DNER: variants seen among roughly 807,000 people sequenced by gnomAD.
DNER encodes delta and Notch-like epidermal growth factor-related receptor.
In DNER, 33 loss-of-function variants were observed where a neutral mutation model predicts 78.2. The observed-to-expected ratio is 0.42, with a 90% CI of 0.32 to 0.56. DNER has a LOEUF of 0.56. DNER is among the 20% of genes least tolerant of loss of function. The pLI is 0.11. For synonymous variants in DNER, 417 were observed against 384.8 expected (o/e 1.08, Z -0.98); for missense variants, 918 against 975.3 (o/e 0.94, Z 0.78).
rs78341074 is a variant in DNER at position 229,633,714 on chromosome 2, G to A, written c.277-41826C>T. Reference sequence around the variant, plus strand: ...TCCAGCAGCAGCCCGTTCAGGGCCTGTTCCCAAGAGCTGGGACATAGTGGA... The same window carrying A: ...TCCAGCAGCAGCCCGTTCAGGGCCTATTCCCAAGAGCTGGGACATAGTGGA... On this transcript the variant is annotated intron_variant, in intron 1 of 12. Transcript: ENST00000341772. Among the ~76,000 whole-genome samples, 728 of 152,306 alleles carry A rather than the reference G, an allele frequency of 4.8e-3. 1 individual carries two copies. The highest frequency in any genetic ancestry group is 7.2e-3 in the Non-Finnish European group (488 of 68,024).
intron 1 of DNER, among the ~76,000 whole-genome samples, chr2:229,601,432 T>C (rs1333698876): frequency 6.6e-6 from 1 of 152,212 alleles, no homozygotes; most frequent in Non-Finnish European, 1.5e-5. Context: ...AAATGCTCAT[T>C]CGCTTTACTG....
intron 6 of DNER, among the ~76,000 whole-genome samples, chr2:229,501,239 CTA>C (rs1695615181): frequency 6.6e-6 from 1 of 151,226 alleles, no homozygotes; most frequent in South Asian, 2.1e-4. Flanking sequence ...AACACCGTGA[CTA>C]TAGTTAGTCA....
At chr2:229,381,399 A>C (rs908050514) in intron 11 of DNER, among the ~76,000 whole-genome samples, 4 of 152,026 alleles carry the variant, frequency 2.6e-5, no homozygotes, top group Non-Finnish European at 5.9e-5. Flanking sequence ...TTCCTACCCC[A>C]GTGGCTCCTG....
At chr2:229,562,191 A>G (rs1193307770) in intron 4 of DNER, among the ~76,000 whole-genome samples, 1 of 152,070 alleles carries the variant, frequency 6.6e-6, no homozygotes, top group Non-Finnish European at 1.5e-5. Flanking sequence ...AAATCACACA[A>G]AACCCCTCCT....
At chr2:229,623,640 A>G (rs1698288787) in intron 1 of DNER, among the ~76,000 whole-genome samples, 1 of 152,226 alleles carries the variant, frequency 6.6e-6, no homozygotes, top group Non-Finnish European at 1.5e-5. Flanking sequence ...CAAGTCCTTG[A>G]TCGCTACTGC....
chr2:229,537,702 C>T (rs141269528), intron 5 of DNER, among the ~76,000 whole-genome samples: 4 of 152,282 alleles, frequency 2.6e-5, no homozygotes, highest in Non-Finnish European at 4.4e-5. Flanking sequence ...GAAATAGAAA[C>T]ATGACAAGAT....
At chr2:229,590,924 T>C (rs1697592763) in intron 2 of DNER, among the ~76,000 whole-genome samples, 1 of 152,106 alleles carries the variant, frequency 6.6e-6, no homozygotes. Context: ...GATAAGTGAG[T>C]TCAGGTGAGA....
chr2:229,598,564 AC>A (rs1697766606), intron 1 of DNER, among the ~76,000 whole-genome samples: 1 of 147,776 alleles, frequency 6.8e-6, no homozygotes, highest in East Asian at 2.1e-4. Flanking sequence ...ATGTTAAACT[AC>A]CTTACATTTT....
At chr2:229,442,822 A>G (rs1694264597) in intron 8 of DNER, among the ~76,000 whole-genome samples, 1 of 152,218 alleles carries the variant, frequency 6.6e-6, no homozygotes, top group Admixed American at 6.5e-5. Flanking sequence ...CATACAGACC[A>G]GAAATGCAGC....
intron 1 of DNER, among the ~76,000 whole-genome samples, chr2:229,709,096 GA>G (rs1303719186): frequency 6.6e-6 from 1 of 152,118 alleles, no homozygotes; most frequent in Non-Finnish European, 1.5e-5. Flanking sequence ...TTCATTGAAG[GA>G]AGACAATCAA....
rs150783361 is a variant in DNER, at chr2:229,702,733, C to T, written c.276+11415G>A. On this transcript the variant is annotated intron_variant, in intron 1 of 12. Coordinates refer to ENST00000341772, the MANE Select transcript of DNER (RefSeq NM_139072.4). The stretch of plus-strand genomic sequence containing the variant: ...GAGATCGAGACCACCCTGGCTAACA[C>T]GGTGAAACCCCATCTCTATTAAAAA... Among the ~76,000 whole-genome samples, 740 of 150,562 alleles carry T rather than the reference C, an allele frequency of 4.9e-3. 7 individuals carry two copies. Among genetic ancestry groups the T allele is most frequent in the African/African-American group, 0.017 (678 of 40,936 alleles).
chr2:229,440,995 A>G (rs186532890), intron 8 of DNER, among the ~76,000 whole-genome samples: 38 of 152,326 alleles, frequency 2.5e-4, no homozygotes, highest in Admixed American at 2.5e-3. Context: ...AATACATATC[A>G]GCTCATATAT....
At chr2:229,359,899 G>A (rs1364275804) in intron 12 of DNER, among the ~76,000 whole-genome samples, 1 of 152,162 alleles carries the variant, frequency 6.6e-6, no homozygotes, top group Non-Finnish European at 1.5e-5. Context: ...AAAACACGGG[G>A]TTAAAGAGTT....
chr2:229,410,798 A>C (rs1246601028), intron 9 of DNER, among the ~76,000 whole-genome samples: 1 of 152,232 alleles, frequency 6.6e-6, no homozygotes, highest in African/African-American at 2.4e-5. Context: ...TGTTGTAACA[A>C]ATTTAGTTAC....
At chr2:229,460,172 A>AAAG (rs1694665414) in intron 7 of DNER, among the ~76,000 whole-genome samples, 1 of 148,078 alleles carries the variant, frequency 6.8e-6, no homozygotes, top group Non-Finnish European at 1.5e-5. Flanking sequence ...AAAAAAAAAA[A>AAAG]AAAAAAAAAA....
At chr2:229,657,350 T>C (rs1698930009) in intron 1 of DNER, among the ~76,000 whole-genome samples, 1 of 152,218 alleles carries the variant, frequency 6.6e-6, no homozygotes, top group Non-Finnish European at 1.5e-5. Flanking sequence ...AATATTCCAA[T>C]GTATATAGAT....
intron 7 of DNER, among the ~76,000 whole-genome samples, chr2:229,471,958 G>C (rs1694933424): frequency 6.6e-6 from 1 of 152,124 alleles, no homozygotes; most frequent in Admixed American, 6.5e-5. Flanking sequence ...TGACCTCCAG[G>C]CCAGAGAACG....
At chr2:229,396,219 T>C (rs1693137728) in intron 10 of DNER, among the ~76,000 whole-genome samples, 1 of 152,194 alleles carries the variant, frequency 6.6e-6, no homozygotes, top group Admixed American at 6.5e-5. Context: ...GAGCTCTAAT[T>C]ACTTAGCTTA....
intron 7 of DNER, among the ~76,000 whole-genome samples, chr2:229,466,452 G>C (rs1027712882): frequency 6.6e-6 from 1 of 152,066 alleles, no homozygotes; most frequent in African/African-American, 2.4e-5. Context: ...ACTTCCCTTG[G>C]AACACTTCCT....
Sources: gnomAD v4.1 joint callset for allele counts (sites outside exome capture counted in the v4.1 genomes callset) on GRCh38, gnomAD v4.1.1 for gene constraint, MANE v1.5 for transcripts, NCBI Gene and HGNC (gene_info 2026-07-23, HGNC 2026-07-21) for gene names.